The following RAD54B variants were observed in gnomAD, a reference collection of about 807,000 sequenced individuals.
RAD54B encodes RAD54 homolog B, also known as DNA repair and recombination protein RAD54B.
RAD54B carries 78 observed loss-of-function variants against 95.8 expected under a neutral mutation model. The ratio of observed to expected loss-of-function variants is 0.81; its 90% CI spans 0.68 to 0.98. RAD54B has a LOEUF of 0.98. RAD54B is among the 50% of genes least tolerant of loss of function. The pLI is 0.00. For missense variants in RAD54B, 957 were observed against 1,056.6 expected (o/e 0.91, Z 1.31); for synonymous variants, 328 against 354.9 (o/e 0.92, Z 0.85).
At chr8:94,448,048 C>T (rs1215686943) in intron 3 of RAD54B, among the ~76,000 whole-genome samples, 1 of 151,904 alleles carries the variant, frequency 6.6e-6, no homozygotes, top group Non-Finnish European at 1.5e-5. Flanking sequence ...TTTTTCTTTC[C>T]CTTGTGTTTT....
intron 14 of RAD54B, among the ~76,000 whole-genome samples, chr8:94,377,975 C>A (rs1157356479): frequency 1.1e-3 from 82 of 77,128 alleles, no homozygotes; most frequent in East Asian, 7.4e-3. Flanking sequence ...GACTCCGTCT[C>A]AAAAAAAAAA....
chr8:94,398,821 C>T (rs1013226356), intron 8 of RAD54B, among the ~76,000 whole-genome samples: 9 of 152,190 alleles, frequency 5.9e-5, no homozygotes, highest in African/African-American at 2.2e-4. Flanking sequence ...CTCGTATTTA[C>T]CATCCATTCC....
At chr8:94,398,302 G>A (rs1246699778) in intron 8 of RAD54B, among the ~76,000 whole-genome samples, 1 of 151,968 alleles carries the variant, frequency 6.6e-6, no homozygotes, top group Non-Finnish European at 1.5e-5. Context: ...TTTTGATAAT[G>A]GTTAATACAA....
intron 3 of RAD54B, chr8:94,428,135 A>G (rs1461940558): frequency 1.1e-6 from 1 of 882,464 alleles, no homozygotes; most frequent in Non-Finnish European, 1.4e-6. Flanking sequence ...GAAAGATAGG[A>G]AAGTGGCTAT....
At chr8:94,445,554 T>A (rs1812502278) in intron 3 of RAD54B, among the ~76,000 whole-genome samples, 1 of 152,214 alleles carries the variant, frequency 6.6e-6, no homozygotes, top group Admixed American at 6.5e-5. Flanking sequence ...ATTGTCTTGA[T>A]TTTTTTATTC....
At chr8:94,425,229 CTTT>C (rs34018801) in intron 3 of RAD54B, among the ~76,000 whole-genome samples, 2,256 of 114,908 alleles carry the variant, frequency 0.02, 48 homozygotes, top group African/African-American at 0.068. Context: ...CTTTAATATT[CTTT>C]TTTTTTTTTT....
intron 3 of RAD54B, chr8:94,429,783 T>A (rs1315511797): frequency 1.0e-6 from 1 of 985,204 alleles, no homozygotes; most frequent in African/African-American, 1.7e-5. Flanking sequence ...CTACCAGCTA[T>A]AAAACACCCT....
At chr8:94,459,761 G>A (rs1262697095) in intron 2 of RAD54B, among the ~76,000 whole-genome samples, 1 of 151,944 alleles carries the variant, frequency 6.6e-6, no homozygotes, top group East Asian at 2.0e-4. Context: ...TCAGGAGGCT[G>A]AGGCAGGAGA....
At position 94,378,259 on chromosome 8, in the gene RAD54B, C is replaced by G; in HGVS notation, c.2436G>C (p.Leu812Phe). The change falls in exon 14 of 15, where the codon TTG becomes TTC. Residue 812 changes from leucine (L) to phenylalanine (F), a missense_variant. Physicochemically the swap from Leu to Phe is conservative, Grantham distance 22 (BLOSUM62 0). Transcript: ENST00000336148. ...IQFSVEELKN[L>F]FTLHESSDCV... Reference sequence around the variant, plus strand: ...AATCTGAACTTTCATGTAATGTGAACAAATTTTTAAGTTCTTCTACTGAAA... The same window carrying G: ...AATCTGAACTTTCATGTAATGTGAAGAAATTTTTAAGTTCTTCTACTGAAA... The G allele has an allele frequency of 6.2e-7, 1 of 1,613,330 alleles. No individual in the cohort carries two copies. The highest frequency in any genetic ancestry group is 8.5e-7 in the Non-Finnish European group (1 of 1,179,656).
At chr8:94,413,549 T>C (rs1811579837) in intron 3 of RAD54B, among the ~76,000 whole-genome samples, 1 of 151,948 alleles carries the variant, frequency 6.6e-6, no homozygotes, top group African/African-American at 2.4e-5. Context: ...AAAATTCAAC[T>C]CAAAATGAAT....
chr8:94,372,379 A>G lies in RAD54B; in HGVS notation c.2524T>C (p.Leu842=), dbSNP rs769836828. 1.2e-6 allele frequency: 2 copies of G among 1,612,830 alleles called. No homozygotes were observed. Among genetic ancestry groups the G allele is most frequent in the East Asian group, 2.2e-5 (1 of 44,790 alleles). ...TGEEVHTGDS[L]EKFIVSRDCQ... The stretch of plus-strand genomic sequence containing the variant: ...TCTCTAGAGACAATGAATTTTTCCA[A>G]CGAATCACCTGTAATAAGTAAAACA... Residue 842 remains leucine, a synonymous_variant, in exon 15 of 15, where the codon TTG becomes CTG. Transcript: ENST00000336148.
intron 11 of RAD54B, among the ~76,000 whole-genome samples, chr8:94,381,988 C>T (rs1810752978): frequency 6.6e-6 from 1 of 151,962 alleles, no homozygotes; most frequent in Non-Finnish European, 1.5e-5. Flanking sequence ...GTGGTGGGCG[C>T]CTGTAGTCCC....
intron 1 of RAD54B, among the ~76,000 whole-genome samples, chr8:94,474,298 A>G (rs1435284533): frequency 6.6e-6 from 1 of 152,182 alleles, no homozygotes; most frequent in Admixed American, 6.5e-5. Context: ...ATCGTATCCA[A>G]ACCTCAGCAC....
intron 14 of RAD54B, among the ~76,000 whole-genome samples, chr8:94,374,147 C>T (rs1299042050): frequency 6.6e-6 from 1 of 152,072 alleles, no homozygotes; most frequent in East Asian, 1.9e-4. Context: ...GACGTGGTGG[C>T]AGGCGCCTGT....
In RAD54B at chr8:94,458,437, C is replaced by T; in HGVS notation, c.136-1G>A. Reference sequence around the variant, plus strand: ...GAAAGGTGTTATTAATTGCAACACCCTAAAAGAAACAAATATATATTTAAA... The same window carrying T: ...GAAAGGTGTTATTAATTGCAACACCTTAAAAGAAACAAATATATATTTAAA... On this transcript the variant is annotated splice_acceptor_variant, in intron 2 of 14. Transcript: ENST00000336148. LOFTEE classifies it high-confidence loss of function. 1 of 1,552,330 alleles carries T rather than the reference C, an allele frequency of 6.4e-7. No homozygotes were observed. Among genetic ancestry groups the T allele is most frequent in the East Asian group, 2.3e-5 (1 of 42,936 alleles).
At chr8:94,392,856 G>C (rs1437191094) in intron 9 of RAD54B, among the ~76,000 whole-genome samples, 1 of 89,262 alleles carries the variant, frequency 1.1e-5, no homozygotes, top group Non-Finnish European at 2.2e-5. Context: ...TTTTTTTTTT[G>C]AGATGGAGTT....
intron 8 of RAD54B, among the ~76,000 whole-genome samples, chr8:94,397,412 G>A (rs1264392115): frequency 6.6e-6 from 1 of 152,016 alleles, no homozygotes; most frequent in Non-Finnish European, 1.5e-5. Flanking sequence ...TCATAGCTCA[G>A]GGGATAAGAG....
At chr8:94,466,421 T>TTTTG in intron 2 of RAD54B, among the ~76,000 whole-genome samples, 1 of 150,628 alleles carries the variant, frequency 6.6e-6, no homozygotes, top group African/African-American at 2.4e-5. Context: ...TTTTTTTTTT[T>TTTTG]GGGGGGGACG....
intron 3 of RAD54B, among the ~76,000 whole-genome samples, chr8:94,441,164 T>A (rs1812388636): frequency 6.6e-6 from 1 of 152,202 alleles, no homozygotes; most frequent in African/African-American, 2.4e-5. Context: ...GTGAAATCTT[T>A]AGTGTTGTGA....
Sources: allele counts gnomAD v4.1 joint callset (sites outside exome capture counted in the v4.1 genomes callset), GRCh38; gene constraint gnomAD v4.1.1; transcripts MANE v1.5; gene names NCBI Gene and HGNC (gene_info 2026-07-23, HGNC 2026-07-21).